Variants in AUTS2 observed in about 807,000 individuals in gnomAD.
AUTS2 encodes activator of transcription and developmental regulator AUTS2.
Under a neutral mutation model 112.4 loss-of-function variants are expected in AUTS2, and 17 were observed. The observed-to-expected ratio is 0.15, with a 90% CI of 0.10 to 0.23. The LOEUF is 0.23. Ranked by LOEUF, AUTS2 falls within the 10% of genes least tolerant of loss-of-function variation. The pLI is 1.00. For missense variants in AUTS2, 1,510 were observed against 1,701.6 expected (o/e 0.89, Z 1.98); for synonymous variants, 751 against 702.7 (o/e 1.07, Z -1.09).
At chr7:70,556,426 G>A (rs184253694) in intron 5 of AUTS2, among the ~76,000 whole-genome samples, 156 of 152,284 alleles carry the variant, frequency 1.0e-3, no homozygotes, top group African/African-American at 3.6e-3. Context: ...CAGTATTGTT[G>A]TGAAATAATA....
chr7:70,373,291 G>A (rs566378716), intron 4 of AUTS2, among the ~76,000 whole-genome samples: 1 of 152,138 alleles, frequency 6.6e-6, no homozygotes, highest in South Asian at 2.1e-4. Flanking sequence ...AGGGAGGTTT[G>A]TACAATACGA....
chr7:69,758,470 C>T (rs147934931), intron 1 of AUTS2, among the ~76,000 whole-genome samples: 1 of 152,056 alleles, frequency 6.6e-6, no homozygotes, highest in Non-Finnish European at 1.5e-5. Context: ...TCAAATGATC[C>T]GGAGTAAATA....
At chr7:70,512,388 T>C (rs1799232132) in intron 5 of AUTS2, among the ~76,000 whole-genome samples, 1 of 152,202 alleles carries the variant, frequency 6.6e-6, no homozygotes, top group African/African-American at 2.4e-5. Flanking sequence ...GTGAAATTCT[T>C]TGGAGTTCTT....
chr7:70,148,023 T>G (rs1807225963), intron 4 of AUTS2, among the ~76,000 whole-genome samples: 1 of 152,158 alleles, frequency 6.6e-6, no homozygotes, highest in African/African-American at 2.4e-5. Flanking sequence ...GGCTAGTTTT[T>G]CTGGGAGGAT....
At chr7:70,600,656 AT>A (rs1803430124) in intron 5 of AUTS2, among the ~76,000 whole-genome samples, 1 of 152,152 alleles carries the variant, frequency 6.6e-6, no homozygotes, top group South Asian at 2.1e-4. Flanking sequence ...CATTTTCATT[AT>A]CCCCAAAAGA....
At chr7:70,601,557 A>G (rs1308689694) in intron 5 of AUTS2, among the ~76,000 whole-genome samples, 1 of 152,200 alleles carries the variant, frequency 6.6e-6, no homozygotes, top group African/African-American at 2.4e-5. Context: ...AGAGATTCAC[A>G]TTCTATTACA....
intron 6 of AUTS2, among the ~76,000 whole-genome samples, chr7:70,703,826 G>A (rs1009556196): frequency 2.6e-5 from 4 of 152,148 alleles, no homozygotes; most frequent in African/African-American, 9.7e-5. Flanking sequence ...GACCTTCTTT[G>A]TACTATTTCA....
intron 1 of AUTS2, among the ~76,000 whole-genome samples, chr7:69,635,998 G>A (rs1358289698): frequency 6.6e-6 from 1 of 152,204 alleles, no homozygotes; most frequent in East Asian, 1.9e-4. Flanking sequence ...TAATTGAACT[G>A]GTTGTAGCAG....
At chr7:69,662,551 C>G (rs1374862900) in intron 1 of AUTS2, among the ~76,000 whole-genome samples, 2 of 152,144 alleles carry the variant, frequency 1.3e-5, no homozygotes, top group Non-Finnish European at 2.9e-5. Flanking sequence ...GAATTTCTGC[C>G]TTAGAAAGAG....
intron 6 of AUTS2, among the ~76,000 whole-genome samples, chr7:70,758,431 G>A (rs1241350757): frequency 1.3e-5 from 2 of 152,060 alleles, no homozygotes; most frequent in African/African-American, 2.4e-5. Context: ...TTTTCCCCAG[G>A]CAACTTGTAT....
chr7:70,273,800 C>T lies in AUTS2; in HGVS notation c.660+139229C>T, dbSNP rs556131300. 7.2e-5 allele frequency among the ~76,000 whole-genome samples: 11 copies of T among 152,142 alleles called. No homozygotes were observed. The East Asian group carries it at 1.7e-3, about 24-fold the overall frequency. On this transcript the variant is annotated intron_variant, in intron 4 of 18. Coordinates refer to ENST00000342771, the MANE Select transcript of AUTS2 (RefSeq NM_015570.4). Reference sequence around the variant, plus strand: ...TTTTGAATACTGTATTTTAAATCTGCATTTGGTTGAAAAAAGTCTGCATGT... The same window carrying T: ...TTTTGAATACTGTATTTTAAATCTGTATTTGGTTGAAAAAAGTCTGCATGT...
At chr7:70,670,192 T>C (rs1245146276) in intron 5 of AUTS2, among the ~76,000 whole-genome samples, 1 of 152,214 alleles carries the variant, frequency 6.6e-6, no homozygotes, top group Non-Finnish European at 1.5e-5. Context: ...TTATTTGATT[T>C]CTGTTTTATG....
At chr7:70,361,663 T>C (rs1792274369) in intron 4 of AUTS2, among the ~76,000 whole-genome samples, 1 of 152,128 alleles carries the variant, frequency 6.6e-6, no homozygotes, top group Non-Finnish European at 1.5e-5. Context: ...AGGACAGTCA[T>C]CCACCAAAGA....
chr7:69,924,700 C>T (rs187973249), intron 2 of AUTS2, among the ~76,000 whole-genome samples: 3,151 of 152,042 alleles, frequency 0.021, 107 homozygotes, highest in African/African-American at 0.069. Context: ...TATAGGCATG[C>T]GCCACCACGC....
At chr7:70,742,330 T>C (rs1237214729) in intron 6 of AUTS2, among the ~76,000 whole-genome samples, 1 of 152,190 alleles carries the variant, frequency 6.6e-6, no homozygotes. Flanking sequence ...GGTTCCTAAT[T>C]ACATTTAGCA....
chr7:70,604,380 C>T (rs1803625724), intron 5 of AUTS2, among the ~76,000 whole-genome samples: 1 of 152,216 alleles, frequency 6.6e-6, no homozygotes, highest in Non-Finnish European at 1.5e-5. Flanking sequence ...TACCTAGCTG[C>T]TCTTTTACTT....
In AUTS2 at chr7:70,428,836, T is replaced by C. The variant is rs536437615; in HGVS notation, c.661-6916T>C. On this transcript the variant is annotated intron_variant, in intron 4 of 18. Transcript: ENST00000342771. Reference sequence around the variant, plus strand: ...GCATTCCATCACAAGGTACCTAGAATTCCATCTTGTTGCTACATTCTGAAT... The same window carrying C: ...GCATTCCATCACAAGGTACCTAGAACTCCATCTTGTTGCTACATTCTGAAT... 6.9e-4 allele frequency among the ~76,000 whole-genome samples: 105 copies of C among 152,326 alleles called. 1 individual carries two copies. Among genetic ancestry groups the C allele is most frequent in the Non-Finnish European group, 4.4e-4 (30 of 68,036 alleles).
intron 2 of AUTS2, among the ~76,000 whole-genome samples, chr7:70,044,609 T>A (rs1347939833): frequency 1.3e-5 from 2 of 152,150 alleles, no homozygotes; most frequent in African/African-American, 4.8e-5. Context: ...GGTGGTAGGG[T>A]TAATGTGTAC....
chr7:70,782,473 T>TACAA (rs1188000859), intron 15 of AUTS2: 3 of 152,320 alleles, frequency 2.0e-5, no homozygotes, highest in East Asian at 3.9e-4. Flanking sequence ...CTGCTCCAGG[T>TACAA]ACAAACAAAA....
Sources: allele counts gnomAD v4.1 joint callset (sites outside exome capture counted in the v4.1 genomes callset), GRCh38; gene constraint gnomAD v4.1.1; transcripts MANE v1.5; gene names NCBI Gene and HGNC (gene_info 2026-07-23, HGNC 2026-07-21).